The following ITPK1 variants were observed in gnomAD, a reference collection of about 807,000 sequenced individuals.
ITPK1 encodes the protein inositol-tetrakisphosphate 1-kinase.
ITPK1 carries 21 observed loss-of-function variants against 45.3 expected under a neutral mutation model. The observed-to-expected ratio is 0.46, with a 90% confidence interval of 0.33 to 0.67. ITPK1 has a LOEUF of 0.67. ITPK1 is among the 30% of genes least tolerant of loss of function. The pLI is 0.02. For missense variants in ITPK1, 474 were observed against 573.5 expected (o/e 0.83, Z 1.77); for synonymous variants, 258 against 253.6 (o/e 1.02, Z -0.16).
chr14:92,995,997 T>C (rs887095734), intron 4 of ITPK1, among the ~76,000 whole-genome samples: 3 of 152,224 alleles, frequency 2.0e-5, no homozygotes, highest in Non-Finnish European at 2.9e-5. Context: ...AGCTTGTTCT[T>C]TTAAATGCAG....
rs1180535458 is a variant in ITPK1 at position 92,937,038 on chromosome 14, G to C, written c.*4523C>G. ...ACTAGACCGTTAGAAATCAAAACAA[G>C]ACTAGTTAGCAAATACAGAGATCAT... On this transcript the variant is annotated 3_prime_UTR_variant, in exon 11 of 11. Transcript: ENST00000267615. 2.0e-5 allele frequency: 3 copies of C among 152,164 alleles called. No homozygotes were observed. The highest frequency in any genetic ancestry group is 4.4e-5 in the Non-Finnish European group (3 of 68,042). 9.4% of individuals were successfully genotyped at this position (152,164 alleles called of 1,614,324 possible).
rs372501450 is a variant in ITPK1 at position 92,939,799 on chromosome 14, G to C, written c.*1762C>G. The C allele has an allele frequency of 1.0e-6, 1 of 985,460 alleles. No individual in the cohort carries two copies. Among genetic ancestry groups the C allele is most frequent in the Admixed American group, 6.1e-5 (1 of 16,272 alleles). The allele number at this position is 985,460 out of a possible 1,614,324, so 61.0% of individuals were successfully genotyped here. A position where few individuals can be genotyped will look rare whatever the true frequency, so the allele number is the denominator to read the frequency against. Reference sequence around the variant, plus strand: ...AAAAGGTAAAGCTGTTTTATTAAACGTCTTTTAAGGACTGGGAGTATGACA... The same window carrying C: ...AAAAGGTAAAGCTGTTTTATTAAACCTCTTTTAAGGACTGGGAGTATGACA... On this transcript the variant is annotated 3_prime_UTR_variant, in exon 11 of 11. Coordinates refer to ENST00000267615, the MANE Select transcript of ITPK1 (RefSeq NM_014216.6).
chr14:93,066,305 C>CGTGT (rs1181304512), intron 3 of ITPK1: 22 of 450,018 alleles, frequency 4.9e-5, no homozygotes, highest in Non-Finnish European at 8.4e-5. Flanking sequence ...TGTGCGCGTG[C>CGTGT]ATGTGTGTGT....
At chr14:92,944,210 C>T (rs1846082278) in intron 10 of ITPK1, among the ~76,000 whole-genome samples, 1 of 152,156 alleles carries the variant, frequency 6.6e-6, no homozygotes, top group African/African-American at 2.4e-5. Flanking sequence ...CCCAAGGTGC[C>T]TCCTGTGGGG....
At chr14:93,060,243 C>A (rs1890460685) in intron 3 of ITPK1, among the ~76,000 whole-genome samples, 1 of 152,180 alleles carries the variant, frequency 6.6e-6, no homozygotes, top group Non-Finnish European at 1.5e-5. Flanking sequence ...GCCTCACCAG[C>A]CCCCGCTGCT....
In ITPK1 at chr14:92,958,335, T is replaced by C. The variant is rs1266338824; in HGVS notation, c.536A>G (p.Asn179Ser). 1.2e-6 allele frequency: 2 copies of C among 1,614,180 alleles called. No individual in the cohort carries two copies. The highest frequency in any genetic ancestry group is 8.5e-7 in the Non-Finnish European group (1 of 1,180,022). The change falls in exon 8 of 11, where the codon AAC becomes AGC. Residue 179 changes from asparagine (N) to serine (S), a missense_variant. This residue lies in a region of ITPK1 where 367 missense variants were observed against 480.6 expected (regional missense o/e 0.76). Transcript: ENST00000267615. The surrounding 1 kb of genome is among the most constrained non-coding windows in gnomAD (Gnocchi z 4.4). The part of the protein sequence containing the change: ...MAIVFNQEGL[N>S]AIQPPCVVQN... ...GACCACGCAGGGTGGCTGGATGGCGTTCAGGCCCTCCTGGTTGAACACGAT... is the reference window on the plus strand; with the variant it reads ...GACCACGCAGGGTGGCTGGATGGCGCTCAGGCCCTCCTGGTTGAACACGAT...
intron 4 of ITPK1, among the ~76,000 whole-genome samples, chr14:93,013,334 T>G (rs535507386): frequency 1.3e-5 from 2 of 152,182 alleles, no homozygotes; most frequent in East Asian, 3.9e-4. Context: ...GGGGCAGTGA[T>G]GAAGGTTCTG....
At chr14:93,030,817 G>T (rs1463743707) in intron 3 of ITPK1, among the ~76,000 whole-genome samples, 4 of 152,226 alleles carry the variant, frequency 2.6e-5, no homozygotes, top group African/African-American at 9.6e-5. Context: ...TTAAGATGAG[G>T]TCATTCCAGA....
chr14:93,016,426 G>A lies in ITPK1; in HGVS notation c.246+250C>T, dbSNP rs779705484. Among the ~76,000 whole-genome samples the A allele has an allele frequency of 3.3e-5, 5 of 152,040 alleles. No homozygotes were observed. The highest frequency in any genetic ancestry group is 9.7e-5 in the African/African-American group (4 of 41,382). On this transcript the variant is annotated intron_variant, in intron 4 of 10. Coordinates refer to ENST00000267615, the MANE Select transcript of ITPK1 (RefSeq NM_014216.6). This position sits in a 1 kb window ranked among gnomAD's most constrained non-coding sequence, Gnocchi z 5.0. ...CTCAGCGATGCCTCATCAGTAAACCGTGTCTACACAGCCAGGGGGTGGAGA... is the reference window on the plus strand; with the variant it reads ...CTCAGCGATGCCTCATCAGTAAACCATGTCTACACAGCCAGGGGGTGGAGA...
chr14:92,963,816 T>A (rs1885210499), intron 5 of ITPK1, among the ~76,000 whole-genome samples: 1 of 152,234 alleles, frequency 6.6e-6, no homozygotes, highest in Non-Finnish European at 1.5e-5. Context: ...TTATTATTGT[T>A]TCTTGTCATT....
chr14:92,952,058 G>GTGTGGTCCCTGCATT, intron 8 of ITPK1, 45 bp from the exon 9 acceptor site: 1 of 1,474,168 alleles, frequency 6.8e-7, no homozygotes, highest in Non-Finnish European at 9.3e-7. Context: ...CCTCAATGCA[G>GTGTGGTCCCTGCATT]GGACCACACT....
rs1472682988 is a variant in ITPK1 at position 92,940,446 on chromosome 14, T to C, written c.*1115A>G. On this transcript the variant is annotated 3_prime_UTR_variant, in exon 11 of 11. Transcript: ENST00000267615. Reference sequence around the variant, plus strand: ...GTGAGTCTGAGGTGTGCAGAAGCGATGGGGGGCGGGTGGCTCCCTGGCACC... The same window carrying C: ...GTGAGTCTGAGGTGTGCAGAAGCGACGGGGGGCGGGTGGCTCCCTGGCACC... The C allele has an allele frequency of 9.0e-7, 1 of 1,115,040 alleles. No homozygotes were observed. The allele number at this position is 1,115,040 out of a possible 1,614,324, so 69.1% of individuals were successfully genotyped here.
At chr14:93,045,686 C>T (rs75836439) in intron 3 of ITPK1, among the ~76,000 whole-genome samples, 1,577 of 152,232 alleles carry the variant, frequency 0.01, 31 homozygotes, top group African/African-American at 0.036. Flanking sequence ...AATTAGAGAC[C>T]TTGGCTTACA....
At chr14:92,959,290 C>T (rs1884925656) in intron 7 of ITPK1, among the ~76,000 whole-genome samples, 1 of 152,234 alleles carries the variant, frequency 6.6e-6, no homozygotes, top group South Asian at 2.1e-4. Flanking sequence ...GCCCGCAGGG[C>T]CCCAGGAAGG....
chr14:93,015,873 G>C (rs1307821601), intron 4 of ITPK1, among the ~76,000 whole-genome samples: 1 of 152,208 alleles, frequency 6.6e-6, no homozygotes, highest in East Asian at 1.9e-4. Context: ...CTTTGTCCTG[G>C]TGAAGAAAAG....
chr14:92,970,380 C>T (rs2139759824), intron 5 of ITPK1, among the ~76,000 whole-genome samples: 1 of 152,306 alleles, frequency 6.6e-6, no homozygotes, highest in East Asian at 1.9e-4. Context: ...CGGGGGATGC[C>T]CTCAGGGGAG....
intron 5 of ITPK1, among the ~76,000 whole-genome samples, chr14:92,982,866 T>C (rs1886301262): frequency 6.6e-6 from 1 of 152,206 alleles, no homozygotes; most frequent in African/African-American, 2.4e-5. Context: ...TAAGAGACCC[T>C]ATGGCCTTAC....
At chr14:93,056,551 C>A (rs1475855917) in intron 3 of ITPK1, among the ~76,000 whole-genome samples, 1 of 152,138 alleles carries the variant, frequency 6.6e-6, no homozygotes, top group Non-Finnish European at 1.5e-5. Flanking sequence ...GGAAGAGGGA[C>A]CAAGAGGGGT....
At chr14:93,043,612 CACT>C (rs1889655647) in intron 3 of ITPK1, among the ~76,000 whole-genome samples, 1 of 152,258 alleles carries the variant, frequency 6.6e-6, no homozygotes, top group African/African-American at 2.4e-5. Context: ...CAGGAATGTG[CACT>C]CAGGCCGTAG....
Sources: gnomAD v4.1 joint callset for allele counts (sites outside exome capture counted in the v4.1 genomes callset) on GRCh38, gnomAD v4.1.1 for gene constraint, gnomAD v4.1.1 regional missense constraint, Gnocchi (gnomAD v3.1) non-coding constraint, MANE v1.5 for transcripts, NCBI Gene and HGNC (gene_info 2026-07-23, HGNC 2026-07-21) for gene names.